C1QTNF3: variants seen among roughly 807,000 people sequenced by gnomAD.
The protein encoded by C1QTNF3 is complement C1q tumor necrosis factor-related protein 3.
C1QTNF3 carries 26 observed loss-of-function variants against 32.6 expected under a neutral mutation model. The ratio of observed to expected loss-of-function variants is 0.80; its 90% CI spans 0.58 to 1.11. The LOEUF is 1.11. Among genes scored for constraint, C1QTNF3 ranks in the 50% least tolerant of loss-of-function variants. The pLI, the probability that C1QTNF3 is intolerant of heterozygous loss-of-function variation, is 0.00. For missense variants in C1QTNF3, 362 were observed against 398.2 expected (o/e 0.91, Z 0.77); for synonymous variants, 155 against 146.0 (o/e 1.06, Z -0.44).
the C1QTNF3 span, among the ~76,000 whole-genome samples, chr5:34,093,831 C>T: frequency 5.3e-5 from 8 of 152,314 alleles, no homozygotes; most frequent in East Asian, 1.9e-4. Context: ...CCATGAAACA[C>T]GGCGGGGTTA....
chr5:34,100,918 A>G, the C1QTNF3 span, among the ~76,000 whole-genome samples: 1 of 151,962 alleles, frequency 6.6e-6, no homozygotes, highest in Admixed American at 6.6e-5. Context: ...ATTCATATTT[A>G]TTATTTCCCA....
upstream of C1QTNF3, among the ~76,000 whole-genome samples, chr5:34,044,295 A>G (rs913939987): frequency 3.3e-5 from 5 of 152,242 alleles, no homozygotes; most frequent in Admixed American, 6.5e-5. Context: ...CTATTTACAT[A>G]TGATTTTATT....
At chr5:34,203,690 TAA>T in the C1QTNF3 span, among the ~76,000 whole-genome samples, 1 of 134,076 alleles carries the variant, frequency 7.5e-6, no homozygotes. Flanking sequence ...CATCTAAAAG[TAA>T]AAAAAAAAAA....
At chr5:34,023,342 C>T (rs1392456790) in intron 5 of C1QTNF3, among the ~76,000 whole-genome samples, 1 of 152,340 alleles carries the variant, frequency 6.6e-6, no homozygotes, top group Non-Finnish European at 1.5e-5. Flanking sequence ...GGATCTCTTA[C>T]TTGCAACAAT....
At chr5:34,031,609 G>A (rs530670219) in intron 3 of C1QTNF3, among the ~76,000 whole-genome samples, 10 of 152,208 alleles carry the variant, frequency 6.6e-5, no homozygotes, top group Admixed American at 2.6e-4. Context: ...GAGGCAGGCC[G>A]ATCACTGGAG....
At chr5:34,066,930 G>C in the C1QTNF3 span, among the ~76,000 whole-genome samples, 4 of 151,926 alleles carry the variant, frequency 2.6e-5, no homozygotes, top group South Asian at 8.3e-4. Flanking sequence ...AAAACTGAAT[G>C]CTTTTAACAG....
intron 4 of C1QTNF3, among the ~76,000 whole-genome samples, chr5:34,026,380 T>C (rs144810610): frequency 2.6e-4 from 39 of 148,970 alleles, no homozygotes; most frequent in African/African-American, 9.7e-4. Flanking sequence ...CAAGGCTGTG[T>C]TTGGGGTGAT....
chr5:34,072,389 G>GAAAA, the C1QTNF3 span, among the ~76,000 whole-genome samples: 1 of 150,556 alleles, frequency 6.6e-6, no homozygotes, highest in Non-Finnish European at 1.5e-5. Flanking sequence ...AAGAAAGAAA[G>GAAAA]AAAGAAAGAA....
chr5:34,105,058 T>C, the C1QTNF3 span, among the ~76,000 whole-genome samples: 2 of 152,240 alleles, frequency 1.3e-5, no homozygotes, highest in Non-Finnish European at 2.9e-5. Context: ...CTCTTGTGTT[T>C]TAGATTCCAT....
At chr5:34,241,941 A>G in the C1QTNF3 span, among the ~76,000 whole-genome samples, 7 of 106,352 alleles carry the variant, frequency 6.6e-5, no homozygotes, top group East Asian at 7.6e-4. Context: ...GGAAGGGAGG[A>G]AGGGAGGGAG....
At chr5:34,141,807 CT>C in the C1QTNF3 span, among the ~76,000 whole-genome samples, 1 of 152,038 alleles carries the variant, frequency 6.6e-6, no homozygotes, top group African/African-American at 2.4e-5. Flanking sequence ...TGTCTGGGTG[CT>C]TTCTTGCATT....
chr5:34,097,208 A>G, the C1QTNF3 span, among the ~76,000 whole-genome samples: 1 of 151,976 alleles, frequency 6.6e-6, no homozygotes. Flanking sequence ...GCACAAAAAA[A>G]AAACCGAAAC....
chr5:34,071,896 A>G, the C1QTNF3 span, among the ~76,000 whole-genome samples: 2 of 152,178 alleles, frequency 1.3e-5, no homozygotes, highest in Non-Finnish European at 2.9e-5. Flanking sequence ...ATTACCGGGA[A>G]AGAAACGGAG....
the C1QTNF3 span, among the ~76,000 whole-genome samples, chr5:34,070,399 A>G: frequency 1.3e-5 from 2 of 152,226 alleles, no homozygotes; most frequent in Admixed American, 1.3e-4. Context: ...TTGGGGGCAG[A>G]GAGTAAATTC....
chr5:34,076,915 A>G, the C1QTNF3 span, among the ~76,000 whole-genome samples: 1 of 151,572 alleles, frequency 6.6e-6, no homozygotes, highest in African/African-American at 2.4e-5. Context: ...AGAGCCAAAC[A>G]TGATTTATGG....
At chr5:34,197,582 G>C in the C1QTNF3 span, among the ~76,000 whole-genome samples, 5 of 152,018 alleles carry the variant, frequency 3.3e-5, no homozygotes, top group Non-Finnish European at 7.4e-5. Context: ...AAATATGTAT[G>C]ACACAATTTA....
At chr5:34,175,525 C>T in the C1QTNF3 span, 12,199 of 303,980 alleles carry the variant, frequency 0.04, 1,039 homozygotes, top group African/African-American at 0.2. Context: ...TCCAGTGTTT[C>T]CTTCATCCTT....
At chr5:34,207,303 T>C in the C1QTNF3 span, among the ~76,000 whole-genome samples, 1 of 151,598 alleles carries the variant, frequency 6.6e-6, no homozygotes, top group South Asian at 2.1e-4. Flanking sequence ...TGTATATACT[T>C]TTGGAAATAT....
chr5:34,212,768 A>C, the C1QTNF3 span, among the ~76,000 whole-genome samples: 30 of 149,976 alleles, frequency 2.0e-4, no homozygotes, highest in African/African-American at 6.4e-4. Flanking sequence ...GGTGCTGGAG[A>C]GGATGTGGAG....
Sources: gnomAD v4.1 joint callset for allele counts (sites outside exome capture counted in the v4.1 genomes callset) on GRCh38, gnomAD v4.1.1 for gene constraint, MANE v1.5 for transcripts, NCBI Gene and HGNC (gene_info 2026-07-23, HGNC 2026-07-21) for gene names.